The following LRRC8E variants were observed in gnomAD, a reference collection of about 807,000 sequenced individuals.
LRRC8E encodes the protein leucine rich repeat containing 8 VRAC subunit E, also known as volume-regulated anion channel subunit LRRC8E.
LRRC8E carries 6 observed loss-of-function variants against 6.1 expected under a neutral mutation model. The observed-to-expected ratio is 0.98, with a 90% CI of 0.54 to 1.93. LRRC8E has a LOEUF of 1.93. Ranked by LOEUF, LRRC8E falls within the 30% of genes most tolerant of loss-of-function variation. LRRC8E has a pLI of 0.01. For synonymous variants in LRRC8E, 485 were observed against 472.8 expected (o/e 1.03, Z -0.33); for missense variants, 1,028 against 1,031.4 (o/e 1.00, Z 0.04).
Position 7,900,018 on chromosome 19 carries a change from T to A in LRRC8E, c.1496T>A (p.Val499Glu). ...GTCAAATGCGAGGAGCTCCGCGAGG[T>A]GCCGCTTTGGGTGTTTGGGCTGCGG... is the stretch of plus-strand genomic sequence containing the variant. ...MRVKCEELRE[V>E]PLWVFGLRGL... The change falls in exon 3 of 3, where the codon GTG (valine) becomes GAG (glutamate). Residue 499 changes from valine to glutamate, a missense_variant. By Grantham distance (121) the Val-to-Glu change is moderately radical. Coordinates refer to ENST00000306708, the MANE Select transcript of LRRC8E (RefSeq NM_025061.6). This position sits in a 1 kb window ranked among gnomAD's most constrained non-coding sequence, Gnocchi z 5.0. 6.2e-7 allele frequency: 1 copy of A among 1,610,198 alleles called. No individual in the cohort carries two copies. The highest frequency in any genetic ancestry group is 1.1e-5 in the South Asian group (1 of 90,818).
rs762395992 is a variant in LRRC8E, at chr19:7,900,298, C to T, written c.1776C>T (p.Cys592=). The T allele has an allele frequency of 1.3e-5, 21 of 1,613,196 alleles. No individual in the cohort carries two copies. Among genetic ancestry groups the T allele is most frequent in the South Asian group, 2.2e-5 (2 of 91,078 alleles). ...AALRELELVA[C]GLERIPHAVF... Reference sequence around the variant, plus strand: ...TGCGGGAGCTGGAGCTGGTGGCCTGCGGGCTGGAGCGCATCCCCCATGCAG... The same window carrying T: ...TGCGGGAGCTGGAGCTGGTGGCCTGTGGGCTGGAGCGCATCCCCCATGCAG... Residue 592 remains cysteine (C), a synonymous_variant, in exon 3 of 3, where the codon TGC becomes TGT. Coordinates refer to ENST00000306708, the MANE Select transcript of LRRC8E (RefSeq NM_025061.6). This position sits in a 1 kb window ranked among gnomAD's most constrained non-coding sequence, Gnocchi z 5.0.
chr19:7,897,471 C>G (rs1981658616), intron 2 of LRRC8E, among the ~76,000 whole-genome samples: 1 of 149,794 alleles, frequency 6.7e-6, no homozygotes, highest in Non-Finnish European at 1.5e-5. Context: ...AGCCACTGCG[C>G]CTGGTCGAGA....
Position 7,897,940 on chromosome 19 carries a change from G to A in LRRC8E, c.139-721G>A, listed in dbSNP as rs184990060. The stretch of plus-strand genomic sequence containing the variant: ...AAAGACCAGTGCTTTGTCAGTTGTG[G>A]TGGCTCATTCCTGTAATCCCAGCAC... On this transcript the variant is annotated intron_variant, in intron 2 of 2. Transcript: ENST00000306708. Among the ~76,000 whole-genome samples the A allele has an allele frequency of 5.6e-3, 851 of 152,132 alleles. 8 individuals carry two copies. Among genetic ancestry groups the A allele is most frequent in the Non-Finnish European group, 8.6e-3 (583 of 68,014 alleles).
chr19:7,900,638 C>T lies in LRRC8E; in HGVS notation c.2116C>T (p.Leu706Phe), dbSNP rs769818593. The T allele has an allele frequency of 5.6e-6, 9 of 1,613,460 alleles. No individual in the cohort carries two copies. The highest frequency in any genetic ancestry group is 6.8e-6 in the Non-Finnish European group (8 of 1,180,044). ...CCTGCAGAACCTACAGCACCTGGCCCTCTCCTACAATGCCCTGGAGGCCCT... is the reference window on the plus strand; with the variant it reads ...CCTGCAGAACCTACAGCACCTGGCCTTCTCCTACAATGCCCTGGAGGCCCT... ...GLLQNLQHLA[L>F]SYNALEALPE... is the part of the protein sequence containing the mutation. The change falls in exon 3 of 3, where the codon CTC becomes TTC. Residue 706 changes from leucine to phenylalanine, a missense_variant. Physicochemically the swap from Leu to Phe is conservative, Grantham distance 22 (BLOSUM62 0). Transcript: ENST00000306708. The surrounding 1 kb of genome is among the most constrained non-coding windows in gnomAD (Gnocchi z 5.0).
rs1981554840 is a variant in LRRC8E, at chr19:7,895,771, A to G, written c.138+30A>G. ...GGCCCTCCCCTGGCAAGGGGGTGTG[A>G]CCAGAGGGGCGGGGCAGGTGTCTGG... On this transcript the variant is annotated intron_variant, in intron 2 of 2. Coordinates refer to ENST00000306708, the MANE Select transcript of LRRC8E (RefSeq NM_025061.6). The surrounding 1 kb of genome is among the most constrained non-coding windows in gnomAD (Gnocchi z 4.7). 6.2e-7 allele frequency: 1 copy of G among 1,604,124 alleles called. No homozygotes were observed. Among genetic ancestry groups the G allele is most frequent in the Non-Finnish European group, 8.5e-7 (1 of 1,171,880 alleles).
rs1599605365 is a variant in LRRC8E, at chr19:7,895,500, T to A, written c.-5-99T>A. On this transcript the variant is annotated intron_variant, in intron 1 of 2. Transcript: ENST00000306708. The surrounding 1 kb of genome is among the most constrained non-coding windows in gnomAD (Gnocchi z 4.7). ...TTTGGACAAGTTTGGGCAGGGAGGG[T>A]CACAGGCCTGCCTGTGTCCGGCTCC... 8 of 1,460,792 alleles carry A rather than the reference T, an allele frequency of 5.5e-6. No homozygotes were observed. The highest frequency in any genetic ancestry group is 2.3e-5 in the East Asian group (1 of 43,208). The allele number at this position is 1,460,792 out of a possible 1,614,324, so 90.5% of individuals were successfully genotyped here.
Position 7,900,485 on chromosome 19 carries a change from C to G in LRRC8E, c.1963C>G (p.Leu655Val), listed in dbSNP as rs776612988. 1.2e-6 allele frequency: 2 copies of G among 1,613,022 alleles called. No individual in the cohort carries two copies. The highest frequency in any genetic ancestry group is 2.2e-5 in the East Asian group (1 of 44,882). ...TGAGCACGTGCGGAAGCTCAGGAGC[C>G]TGGAGCAGCTCTACCTCAGCTACAA... ...VPEHVRKLRSLEQLYLSYNKL... is the reference protein window; with the variant it reads ...VPEHVRKLRSVEQLYLSYNKL... The change falls in exon 3 of 3, where the codon CTG (leucine) becomes GTG (valine). Residue 655 changes from leucine (L) to valine (V), a missense_variant. Transcript: ENST00000306708. The surrounding 1 kb of genome is among the most constrained non-coding windows in gnomAD (Gnocchi z 5.0).
intron 2 of LRRC8E, 111 bp from the exon 3 acceptor site, chr19:7,898,550 G>A (rs2145109519): frequency 1.1e-6 from 1 of 904,846 alleles, no homozygotes; most frequent in East Asian, 2.4e-5. Context: ...GTAGAGACAG[G>A]GTTTCACCAC....
rs1267298051 is a variant in LRRC8E, at chr19:7,899,905, C to T, written c.1383C>T (p.His461=). 1.2e-6 allele frequency: 2 copies of T among 1,607,984 alleles called. No individual in the cohort carries two copies. The highest frequency in any genetic ancestry group is 3.3e-5 in the Admixed American group (2 of 60,026). Residue 461 remains histidine (H), a synonymous_variant, in exon 3 of 3, where the codon CAC becomes CAT. Transcript: ENST00000306708. The stretch of plus-strand genomic sequence containing the variant: ...CCCCGGGGCTGTCACAGCTGGTGCA[C>T]TTGCAGGAGCTCAGCTTGCTCCACT... ...TFPPGLSQLV[H]LQELSLLHSP... is the part of the protein sequence containing the mutation.
At position 7,901,022 on chromosome 19, in the gene LRRC8E, G is replaced by C. The variant is rs952329786; in HGVS notation, c.*109G>C. On this transcript the variant is annotated 3_prime_UTR_variant, in exon 3 of 3. Coordinates refer to ENST00000306708, the MANE Select transcript of LRRC8E (RefSeq NM_025061.6). ...CAAGTGGGTCCAGGCCAGGAGATGG[G>C]GGGGGCGGGGGCAGCTGTGTCATCT... The C allele has an allele frequency of 2.9e-5, 18 of 613,842 alleles. 3 individuals are homozygous for C. The highest frequency in any genetic ancestry group is 7.5e-5 in the South Asian group (2 of 26,690). 38.0% of individuals were successfully genotyped at this position (613,842 alleles called of 1,614,324 possible). A position where few individuals can be genotyped will look rare whatever the true frequency, so the allele number is the denominator to read the frequency against.
At chr19:7,889,008 T>C (rs1203945069) in intron 1 of LRRC8E, among the ~76,000 whole-genome samples, 3 of 152,130 alleles carry the variant, frequency 2.0e-5, no homozygotes, top group African/African-American at 7.2e-5. Context: ...CTCTTGAACT[T>C]ACACATGTCC....
At position 7,899,611 on chromosome 19, in the gene LRRC8E, C is replaced by G. The variant is rs562985130; in HGVS notation, c.1089C>G (p.Phe363Leu). Residue 363 changes from phenylalanine (F) to leucine (L), a missense_variant, in exon 3 of 3, where the codon TTC becomes TTG. By Grantham distance (22) the Phe-to-Leu change is conservative (BLOSUM62 0). Coordinates refer to ENST00000306708, the MANE Select transcript of LRRC8E (RefSeq NM_025061.6). Reference sequence around the variant, plus strand: ...ACATTCCTGACGTCAAGAATGACTTCGCCTTCATGCTGCACCTCATCGATC... The same window carrying G: ...ACATTCCTGACGTCAAGAATGACTTGGCCTTCATGCTGCACCTCATCGATC... ...MGDIPDVKND[F>L]AFMLHLIDQY... 6.2e-7 allele frequency: 1 copy of G among 1,613,672 alleles called. No homozygotes were observed. The highest frequency in any genetic ancestry group is 1.3e-5 in the African/African-American group (1 of 74,944).
chr19:7,901,089 A>G lies in LRRC8E; in HGVS notation c.*176A>G. 3.6e-6 allele frequency: 2 copies of G among 553,442 alleles called. No homozygotes were observed. Among genetic ancestry groups the G allele is most frequent in the Middle Eastern group, 5.0e-4 (1 of 2,018 alleles). 34.3% of individuals were successfully genotyped at this position (553,442 alleles called of 1,614,324 possible). Reference sequence around the variant, plus strand: ...GATCTGGGCTGGTTTGTCTGGGGAGACAGACAGGATGTTGTGGAGCTGGGG... The same window carrying G: ...GATCTGGGCTGGTTTGTCTGGGGAGGCAGACAGGATGTTGTGGAGCTGGGG... On this transcript the variant is annotated 3_prime_UTR_variant, in exon 3 of 3. Coordinates refer to ENST00000306708, the MANE Select transcript of LRRC8E (RefSeq NM_025061.6).
At position 7,900,110 on chromosome 19, in the gene LRRC8E, A is replaced by G; in HGVS notation, c.1588A>G (p.Ser530Gly). 6.2e-7 allele frequency: 1 copy of G among 1,612,718 alleles called. No individual in the cohort carries two copies. Among genetic ancestry groups the G allele is most frequent in the Non-Finnish European group, 8.5e-7 (1 of 1,179,982 alleles). ...QELARAATLE[S>G]LRELKQLKVL... ...GCTAGCTCGGGCAGCCACCCTGGAGAGCCTCCGGGAGCTGAAGCAGCTCAA... is the reference window on the plus strand; with the variant it reads ...GCTAGCTCGGGCAGCCACCCTGGAGGGCCTCCGGGAGCTGAAGCAGCTCAA... Residue 530 changes from serine (S) to glycine (G), a missense_variant, in exon 3 of 3, where the codon AGC becomes GGC. Ser to Gly is a moderately conservative substitution (Grantham distance 56). Coordinates refer to ENST00000306708, the MANE Select transcript of LRRC8E (RefSeq NM_025061.6). This position sits in a 1 kb window ranked among gnomAD's most constrained non-coding sequence, Gnocchi z 5.0.
At chr19:7,896,522 C>A (rs1035954492) in intron 2 of LRRC8E, among the ~76,000 whole-genome samples, 5 of 151,154 alleles carry the variant, frequency 3.3e-5, no homozygotes, top group Non-Finnish European at 5.9e-5. Flanking sequence ...TGCAGTGAGC[C>A]GAGATCATGC....
At chr19:7,897,548 G>A (rs562545944) in intron 2 of LRRC8E, among the ~76,000 whole-genome samples, 4 of 143,858 alleles carry the variant, frequency 2.8e-5, no homozygotes, top group Non-Finnish European at 6.0e-5. Context: ...CGCAATAATA[G>A]CTCACTGTAA....
rs1204720321 is a variant in LRRC8E, at chr19:7,901,025, GGGC to G, written c.*115_*117del. On this transcript the variant is annotated 3_prime_UTR_variant, in exon 3 of 3. Transcript: ENST00000306708. ...GTGGGTCCAGGCCAGGAGATGGGGG[GGGC>G]GGGGGCAGCTGTGTCATCTTTCTGG... 3 of 644,644 alleles carry G rather than the reference GGGC, an allele frequency of 4.7e-6. No homozygotes were observed. The highest frequency in any genetic ancestry group is 3.6e-5 in the Admixed American group (1 of 28,108). 39.9% of individuals were successfully genotyped at this position (644,644 alleles called of 1,614,324 possible).
intron 1 of LRRC8E, chr19:7,893,688 C>A (rs1224362179): frequency 6.6e-6 from 1 of 151,806 alleles, no homozygotes; most frequent in Non-Finnish European, 1.5e-5. Context: ...GTTCATGCCA[C>A]CATGCCCGGC....
rs1981986502 is a variant in LRRC8E at position 7,901,025 on chromosome 19, G to GGT, written c.*113_*114insTG. ...GTGGGTCCAGGCCAGGAGATGGGGG[G>GGT]GGCGGGGGCAGCTGTGTCATCTTTC... On this transcript the variant is annotated 3_prime_UTR_variant, in exon 3 of 3. Transcript: ENST00000306708. The GGT allele has an allele frequency of 7.8e-6, 5 of 644,648 alleles. 2 individuals are homozygous for GGT. Among genetic ancestry groups the GGT allele is most frequent in the Non-Finnish European group, 1.2e-5 (5 of 416,454 alleles). 39.9% of individuals were successfully genotyped at this position (644,648 alleles called of 1,614,324 possible). A position where few individuals can be genotyped will look rare whatever the true frequency, so the allele number is the denominator to read the frequency against.
Sources: gnomAD v4.1 joint callset for allele counts (sites outside exome capture counted in the v4.1 genomes callset) on GRCh38, gnomAD v4.1.1 for gene constraint, Gnocchi (gnomAD v3.1) non-coding constraint, MANE v1.5 for transcripts, NCBI Gene and HGNC (gene_info 2026-07-23, HGNC 2026-07-21) for gene names.